PCDH9: variants seen among roughly 807,000 people sequenced by gnomAD.
The protein encoded by PCDH9 is protocadherin 9.
In PCDH9, 24 loss-of-function variants were observed where a neutral mutation model predicts 70.6. The observed-to-expected ratio is 0.34, with a 90% CI of 0.25 to 0.48. The LOEUF is 0.48. PCDH9 is among the 20% of genes least tolerant of loss of function. PCDH9 has a pLI of 0.99. For synonymous variants in PCDH9, 562 were observed against 558.5 expected (o/e 1.01, Z -0.09); for missense variants, 1,281 against 1,503.6 (o/e 0.85, Z 2.45).
intron 2 of PCDH9, among the ~76,000 whole-genome samples, chr13:66,988,896 C>CT (rs1323392975): frequency 6.6e-6 from 1 of 151,866 alleles, no homozygotes; most frequent in East Asian, 1.9e-4. Context: ...CTATGGAAAG[C>CT]CAATGAAGAC....
At chr13:66,934,191 T>TTGA (rs2082865381) in intron 2 of PCDH9, among the ~76,000 whole-genome samples, 2 of 151,968 alleles carry the variant, frequency 1.3e-5, no homozygotes, top group African/African-American at 2.4e-5. Flanking sequence ...TCTAAATAAG[T>TTGA]TGATTATTAT....
intron 3 of PCDH9, among the ~76,000 whole-genome samples, chr13:66,879,590 T>C (rs1490063881): frequency 6.6e-6 from 1 of 152,126 alleles, no homozygotes; most frequent in East Asian, 1.9e-4. Context: ...CAAATAGCAA[T>C]TTAGGATTAA....
chr13:66,869,722 T>C (rs1032429520), intron 3 of PCDH9, among the ~76,000 whole-genome samples: 7 of 152,132 alleles, frequency 4.6e-5, no homozygotes, highest in South Asian at 2.1e-4. Flanking sequence ...CTCATTCCAC[T>C]TGAATTTGAG....
At chr13:66,606,169 G>C (rs975666845) in intron 4 of PCDH9, among the ~76,000 whole-genome samples, 1 of 152,098 alleles carries the variant, frequency 6.6e-6, no homozygotes, top group Non-Finnish European at 1.5e-5. Context: ...CAGGCAGAGG[G>C]AACAAATGGC....
chr13:66,822,140 A>G (rs1016446728), intron 3 of PCDH9, among the ~76,000 whole-genome samples: 9 of 151,336 alleles, frequency 5.9e-5, no homozygotes, highest in African/African-American at 1.9e-4. Flanking sequence ...ACACGCGCAC[A>G]CACACACACA....
chr13:66,468,455 G>A (rs1958556676), intron 4 of PCDH9, among the ~76,000 whole-genome samples: 1 of 152,068 alleles, frequency 6.6e-6, no homozygotes, highest in Non-Finnish European at 1.5e-5. Context: ...GACTCACCTA[G>A]TAATGAAACT....
At chr13:67,089,770 C>A (rs1345540497) in intron 2 of PCDH9, among the ~76,000 whole-genome samples, 1 of 151,992 alleles carries the variant, frequency 6.6e-6, no homozygotes, top group East Asian at 1.9e-4. Context: ...ACCTGCATTT[C>A]AGCATTTATT....
chr13:66,422,101 A>T (rs1339699473), intron 4 of PCDH9, among the ~76,000 whole-genome samples: 1 of 152,200 alleles, frequency 6.6e-6, no homozygotes, highest in Non-Finnish European at 1.5e-5. Flanking sequence ...CAATGCAACA[A>T]GAACTAACTA....
At chr13:66,471,060 G>A (rs1404977379) in intron 4 of PCDH9, among the ~76,000 whole-genome samples, 1 of 151,688 alleles carries the variant, frequency 6.6e-6, no homozygotes, top group African/African-American at 2.4e-5. Context: ...GAGCACCTGG[G>A]GGAAATGATT....
At chr13:66,749,123 C>A (rs890916302) in intron 3 of PCDH9, among the ~76,000 whole-genome samples, 24 of 152,168 alleles carry the variant, frequency 1.6e-4, no homozygotes, top group African/African-American at 5.3e-4. Flanking sequence ...AGTCAAACTT[C>A]TTTCCTTTAG....
At chr13:66,745,042 C>T (rs2079337744) in intron 3 of PCDH9, among the ~76,000 whole-genome samples, 1 of 152,110 alleles carries the variant, frequency 6.6e-6, no homozygotes, top group African/African-American at 2.4e-5. Context: ...GCTATATAAA[C>T]TTAGCAATTT....
Position 66,985,101 on chromosome 13 carries a change from A to G in PCDH9, c.3037-81496T>C, listed in dbSNP as rs976481700. Among the ~76,000 whole-genome samples the G allele has an allele frequency of 5.3e-5, 8 of 152,234 alleles. No individual in the cohort carries two copies. In the South Asian group the frequency reaches 1.5e-3, roughly 28 times the overall value. Reference sequence around the variant, plus strand: ...CTCATCCTCCATTAAATTGTACCTCACTGGCCTAGCCATCACTGTCTGTTA... The same window carrying G: ...CTCATCCTCCATTAAATTGTACCTCGCTGGCCTAGCCATCACTGTCTGTTA... On this transcript the variant is annotated intron_variant, in intron 2 of 4. Transcript: ENST00000377865.
intron 4 of PCDH9, among the ~76,000 whole-genome samples, chr13:66,512,014 T>G (rs1276991665): frequency 6.6e-6 from 1 of 152,188 alleles, no homozygotes; most frequent in African/African-American, 2.4e-5. Context: ...AATCTCCATT[T>G]TGTAAAAAAT....
In PCDH9 at chr13:66,758,199, G is replaced by A. The variant is rs142025244; in HGVS notation, c.3139-126788C>T. On this transcript the variant is annotated intron_variant, in intron 3 of 4. Transcript: ENST00000377865. ...ACAAGTGTGTTACACAGTTATTTTT[G>A]TGATGAAAACACTTATCTCCTTTTG... Among the ~76,000 whole-genome samples, 1,444 of 151,920 alleles carry A rather than the reference G, an allele frequency of 9.5e-3. 15 individuals are homozygous for A. The highest frequency in any genetic ancestry group is 0.033 in the African/African-American group (1,377 of 41,476).
intron 2 of PCDH9, among the ~76,000 whole-genome samples, chr13:67,024,217 T>C (rs759058378): frequency 5.9e-5 from 9 of 152,166 alleles, no homozygotes; most frequent in Non-Finnish European, 1.2e-4. Flanking sequence ...TCAAGAGGTG[T>C]AGAAATTTAA....
At chr13:66,488,028 G>A (rs17081358) in intron 4 of PCDH9, among the ~76,000 whole-genome samples, 4,678 of 152,148 alleles carry the variant, frequency 0.031, 220 homozygotes, top group African/African-American at 0.11. Flanking sequence ...TCCTGGTGCC[G>A]AACCATACAC....
chr13:66,744,629 T>C (rs1305461707), intron 3 of PCDH9, among the ~76,000 whole-genome samples: 1 of 152,080 alleles, frequency 6.6e-6, no homozygotes, highest in Non-Finnish European at 1.5e-5. Flanking sequence ...TAATAGGATA[T>C]AATATATACA....
chr13:66,396,795 G>T (rs111497290), intron 4 of PCDH9, among the ~76,000 whole-genome samples: 1 of 152,000 alleles, frequency 6.6e-6, no homozygotes, highest in Admixed American at 6.6e-5. Flanking sequence ...ATGAGGCTTG[G>T]GACATAAAAG....
At chr13:66,478,596 A>G (rs1958776435) in intron 4 of PCDH9, among the ~76,000 whole-genome samples, 1 of 152,182 alleles carries the variant, frequency 6.6e-6, no homozygotes, top group South Asian at 2.1e-4. Context: ...TGATATGGAG[A>G]AGGTTTTAGT....
Sources: allele counts gnomAD v4.1 joint callset (sites outside exome capture counted in the v4.1 genomes callset), GRCh38; gene constraint gnomAD v4.1.1; transcripts MANE v1.5; gene names NCBI Gene and HGNC (gene_info 2026-07-23, HGNC 2026-07-21).